Variants in KLHL13 observed in about 807,000 individuals in gnomAD.
KLHL13 encodes the protein kelch-like protein 13.
A neutral mutation model predicts 37.1 loss-of-function variants in KLHL13; 10 were observed. The ratio of observed to expected loss-of-function variants is 0.27; its 90% CI spans 0.17 to 0.46. The LOEUF is 0.46. KLHL13 is among the 20% of genes least tolerant of loss of function. The pLI, the probability that KLHL13 is intolerant of heterozygous loss-of-function variation, is 1.00. For synonymous variants in KLHL13, 163 were observed against 181.2 expected (o/e 0.90, Z 0.81); for missense variants, 360 against 509.3 (o/e 0.71, Z 2.82).
intron 1 of KLHL13, among the ~76,000 whole-genome samples, chrX:118,067,069 T>C (rs1295564452): frequency 2.7e-5 from 3 of 111,541 alleles, no homozygotes; most frequent in Admixed American, 1.9e-4. Flanking sequence ...GCAAACATCA[T>C]AGAATACACT....
chrX:118,054,171 C>CT (rs1220924652), intron 1 of KLHL13, among the ~76,000 whole-genome samples: 1 of 110,819 alleles, frequency 9.0e-6, no homozygotes, highest in Non-Finnish European at 1.9e-5. Flanking sequence ...CAGGTTGTTT[C>CT]TTTTTTTCCT....
intron 1 of KLHL13, among the ~76,000 whole-genome samples, chrX:118,018,923 ATTTC>A (rs1274929347): frequency 5.4e-5 from 6 of 110,934 alleles, no homozygotes; most frequent in Admixed American, 2.9e-4. Flanking sequence ...TAACCTTTTT[ATTTC>A]TTTCTATTTT....
chrX:118,004,770 A>G (rs1202254815), intron 1 of KLHL13, among the ~76,000 whole-genome samples: 1 of 112,098 alleles, frequency 8.9e-6, no homozygotes, highest in Non-Finnish European at 1.9e-5. Flanking sequence ...GAGGCCTGAC[A>G]GATACCACCT....
intron 1 of KLHL13, among the ~76,000 whole-genome samples, chrX:118,022,500 C>G (rs1339589750): frequency 8.9e-6 from 1 of 111,761 alleles, no homozygotes; most frequent in African/African-American, 3.2e-5. Flanking sequence ...CCAACACTTG[C>G]TATCATTTGT....
chrX:118,116,442 C>T (rs1478346295), intron 1 of KLHL13, 66 bp downstream of exon 1: 1 of 113,249 alleles, frequency 8.8e-6, no homozygotes, highest in East Asian at 2.8e-4. Flanking sequence ...GCGCACCGCG[C>T]AGCGCCGGGT....
intron 1 of KLHL13, among the ~76,000 whole-genome samples, chrX:118,043,382 T>C (rs2054525585): frequency 9.0e-6 from 1 of 111,705 alleles, no homozygotes; most frequent in Non-Finnish European, 1.9e-5. Flanking sequence ...TCAAAACTCA[T>C]TCTACCAGGC....
At chrX:118,092,370 C>T (rs1403513776) in intron 1 of KLHL13, among the ~76,000 whole-genome samples, 12 of 110,918 alleles carry the variant, frequency 1.1e-4, no homozygotes, top group Non-Finnish European at 2.3e-4. Context: ...CATCAGAAAC[C>T]ATGGAGGCCA....
intron 1 of KLHL13, among the ~76,000 whole-genome samples, chrX:118,002,705 T>C (rs969700912): frequency 2.7e-5 from 3 of 110,733 alleles, no homozygotes; most frequent in African/African-American, 9.8e-5. Context: ...AGTGCTAAGA[T>C]CCAGCAAAAG....
chrX:118,080,573 C>A (rs981680979), intron 1 of KLHL13, among the ~76,000 whole-genome samples: 14 of 111,836 alleles, frequency 1.3e-4, no homozygotes, highest in African/African-American at 4.6e-4. Flanking sequence ...CCCTCTTACA[C>A]CAGTGAGAAT....
intron 1 of KLHL13, among the ~76,000 whole-genome samples, chrX:118,015,811 A>C (rs755507929): frequency 9.0e-6 from 1 of 111,483 alleles, no homozygotes; most frequent in South Asian, 3.8e-4. Context: ...TTTTAAACCA[A>C]AATAATTCCA....
At chrX:118,094,490 C>T (rs770838054) in intron 1 of KLHL13, among the ~76,000 whole-genome samples, 4,276 of 110,925 alleles carry the variant, frequency 0.039, 226 homozygotes, top group African/African-American at 0.13. Context: ...AGGAGAACTT[C>T]CCCAATCTAG....
intron 1 of KLHL13, among the ~76,000 whole-genome samples, chrX:118,043,550 G>A (rs193062937): frequency 9.0e-6 from 1 of 111,578 alleles, no homozygotes; most frequent in Admixed American, 9.5e-5. Context: ...AGATCAAATG[G>A]GTTTTGCCCC....
upstream of KLHL13, among the ~76,000 whole-genome samples, chrX:117,977,072 T>A (rs1346723583): frequency 8.9e-6 from 1 of 111,934 alleles, no homozygotes; most frequent in Non-Finnish European, 1.9e-5. Context: ...CTACTGTTCT[T>A]CCCAATGAGA....
At chrX:118,094,986 CG>C (rs1169849368) in intron 1 of KLHL13, among the ~76,000 whole-genome samples, 2 of 111,198 alleles carry the variant, frequency 1.8e-5, no homozygotes, top group African/African-American at 6.5e-5. Context: ...CATCTACTAA[CG>C]AGCAAAATAA....
chrX:118,007,284 C>A (rs1238343266), intron 1 of KLHL13, among the ~76,000 whole-genome samples: 1 of 105,450 alleles, frequency 9.5e-6, no homozygotes, highest in Admixed American at 1.0e-4. Flanking sequence ...TGGTGTGCAC[C>A]CGTAGTCCCA....
intron 1 of KLHL13, among the ~76,000 whole-genome samples, chrX:118,088,529 T>C (rs2055080314): frequency 8.9e-6 from 1 of 111,812 alleles, no homozygotes; most frequent in African/African-American, 3.2e-5. Flanking sequence ...GGTACATGTT[T>C]CTTAGATTCA....
At chrX:117,915,599 G>C (rs1047453612) in intron 4 of KLHL13, among the ~76,000 whole-genome samples, 1 of 111,964 alleles carries the variant, frequency 8.9e-6, no homozygotes, top group Admixed American at 9.5e-5. Flanking sequence ...TCATTCTCTT[G>C]TTAAAAAATG....
chrX:118,040,496 G>C (rs1451710285), intron 1 of KLHL13, among the ~76,000 whole-genome samples: 2 of 111,325 alleles, frequency 1.8e-5, no homozygotes, highest in Non-Finnish European at 3.8e-5. Context: ...CTTGAATATA[G>C]GTTATTTGAA....
chrX:117,999,492 AT>A (rs2147963523), intron 1 of KLHL13, among the ~76,000 whole-genome samples: 1 of 110,115 alleles, frequency 9.1e-6, no homozygotes, highest in South Asian at 3.9e-4. Flanking sequence ...GAATTGAACA[AT>A]GAGAACACAT....
Sources: allele counts gnomAD v4.1 joint callset (sites outside exome capture counted in the v4.1 genomes callset), GRCh38; gene constraint gnomAD v4.1.1; transcripts MANE v1.5; gene names NCBI Gene and HGNC (gene_info 2026-07-23, HGNC 2026-07-21).